PRKG1: variants seen among roughly 807,000 people sequenced by gnomAD.
PRKG1 encodes protein kinase cGMP-dependent 1.
Under a neutral mutation model 88.1 loss-of-function variants are expected in PRKG1, and 35 were observed. That is an observed-to-expected ratio of 0.40 (90% CI 0.30 to 0.53). PRKG1 has a LOEUF of 0.53. PRKG1 is among the 20% of genes least tolerant of loss of function. PRKG1 has a pLI of 0.59. For missense variants in PRKG1, 540 were observed against 839.8 expected (o/e 0.64, Z 4.41); for synonymous variants, 303 against 292.5 (o/e 1.04, Z -0.37).
At chr10:51,611,201 A>C (rs963090331) in intron 3 of PRKG1, among the ~76,000 whole-genome samples, 1 of 152,124 alleles carries the variant, frequency 6.6e-6, no homozygotes, top group African/African-American at 2.4e-5. Flanking sequence ...GAAATCTTCA[A>C]ACTGTTTTTC....
At chr10:51,149,202 G>T (rs1017982977) in intron 1 of PRKG1, among the ~76,000 whole-genome samples, 2 of 151,976 alleles carry the variant, frequency 1.3e-5, no homozygotes, top group African/African-American at 2.4e-5. Flanking sequence ...ATTTCAGAGA[G>T]GCCTTCCTGA....
chr10:51,127,347 CAT>C (rs1845454934), intron 1 of PRKG1, among the ~76,000 whole-genome samples: 2 of 152,204 alleles, frequency 1.3e-5, no homozygotes, highest in Middle Eastern at 3.4e-3. Flanking sequence ...TGCCAAGAAA[CAT>C]ATGAAAAAAG....
At chr10:51,511,210 T>A (rs1411028354) in intron 3 of PRKG1, among the ~76,000 whole-genome samples, 2 of 152,128 alleles carry the variant, frequency 1.3e-5, no homozygotes, top group African/African-American at 4.8e-5. Context: ...TTGGATAAAA[T>A]AAGGCTTGTT....
At chr10:51,536,756 C>T (rs1352595262) in intron 3 of PRKG1, among the ~76,000 whole-genome samples, 2 of 150,768 alleles carry the variant, frequency 1.3e-5, no homozygotes, top group Admixed American at 6.6e-5. Flanking sequence ...CCCATTAACT[C>T]GTCATTTAGC....
At chr10:51,371,925 G>C (rs1466925991) in intron 2 of PRKG1, among the ~76,000 whole-genome samples, 1 of 151,806 alleles carries the variant, frequency 6.6e-6, no homozygotes, top group Non-Finnish European at 1.5e-5. Context: ...ACTATGCCCA[G>C]CTCAGGGTGA....
intron 7 of PRKG1, among the ~76,000 whole-genome samples, chr10:52,082,348 G>T (rs1190790616): frequency 1.3e-5 from 2 of 152,088 alleles, no homozygotes; most frequent in Non-Finnish European, 2.9e-5. Context: ...CTTGGCATAA[G>T]TTGCCCACTC....
intron 8 of PRKG1, among the ~76,000 whole-genome samples, chr10:52,146,426 T>C (rs1408257721): frequency 1.3e-5 from 2 of 152,112 alleles, no homozygotes; most frequent in Non-Finnish European, 2.9e-5. Context: ...TATATACACA[T>C]AGATGCTAGA....
chr10:51,877,387 T>C (rs899924506), intron 4 of PRKG1, among the ~76,000 whole-genome samples: 1 of 152,162 alleles, frequency 6.6e-6, no homozygotes, highest in Non-Finnish European at 1.5e-5. Flanking sequence ...TTCTATACTT[T>C]CCCATCAAGT....
intron 3 of PRKG1, among the ~76,000 whole-genome samples, chr10:51,482,966 A>G (rs540948358): frequency 1.3e-5 from 2 of 151,164 alleles, no homozygotes; most frequent in South Asian, 4.2e-4. Context: ...TTACCTCATA[A>G]CTTTAGAGAT....
At chr10:51,575,312 C>T (rs1292691585) in intron 3 of PRKG1, among the ~76,000 whole-genome samples, 1 of 151,978 alleles carries the variant, frequency 6.6e-6, no homozygotes, top group African/African-American at 2.4e-5. Flanking sequence ...TGGTAATATA[C>T]TAGCGTAAGA....
At chr10:51,170,783 G>C (rs1846684075) in intron 2 of PRKG1, among the ~76,000 whole-genome samples, 1 of 150,370 alleles carries the variant, frequency 6.7e-6, no homozygotes, top group Non-Finnish European at 1.5e-5. Flanking sequence ...GGGGGAGTTG[G>C]GTAACAAAAC....
At chr10:51,238,600 A>T (rs1462055985) in intron 2 of PRKG1, among the ~76,000 whole-genome samples, 1 of 151,080 alleles carries the variant, frequency 6.6e-6, no homozygotes, top group Admixed American at 6.6e-5. Flanking sequence ...ATAAAAAAAT[A>T]AAAAAAGTCA....
intron 2 of PRKG1, among the ~76,000 whole-genome samples, chr10:51,464,175 G>C (rs930671753): frequency 6.6e-6 from 1 of 152,044 alleles, no homozygotes; most frequent in African/African-American, 2.4e-5. Context: ...AGCTACTTGG[G>C]AGGCTGGGAG....
intron 2 of PRKG1, among the ~76,000 whole-genome samples, chr10:51,345,447 T>C (rs751240684): frequency 2.3e-4 from 35 of 152,210 alleles, no homozygotes; most frequent in Non-Finnish European, 4.6e-4. Flanking sequence ...CTGTGCTTGA[T>C]TGACATAATC....
chr10:52,246,459 T>C (rs1003454904), intron 9 of PRKG1, among the ~76,000 whole-genome samples: 1 of 152,160 alleles, frequency 6.6e-6, no homozygotes, highest in African/African-American at 2.4e-5. Context: ...TTTTTATACT[T>C]GTAACTTTAC....
chr10:51,862,139 C>A (rs558270115), intron 4 of PRKG1, among the ~76,000 whole-genome samples: 23 of 152,270 alleles, frequency 1.5e-4, no homozygotes, highest in South Asian at 1.5e-3. Flanking sequence ...CACAGTGTGG[C>A]AAACAATGGG....
intron 3 of PRKG1, among the ~76,000 whole-genome samples, chr10:51,711,856 T>C (rs575568709): frequency 6.6e-6 from 1 of 152,316 alleles, no homozygotes; most frequent in Non-Finnish European, 1.5e-5. Flanking sequence ...TGGCAAAGAC[T>C]GCAATAAACC....
chr10:51,689,432 A>G (rs143167933), intron 3 of PRKG1, among the ~76,000 whole-genome samples: 2 of 152,344 alleles, frequency 1.3e-5, no homozygotes, highest in African/African-American at 4.8e-5. Flanking sequence ...GGGAACAAAC[A>G]TGATTTACAT....
intron 1 of PRKG1, among the ~76,000 whole-genome samples, chr10:51,041,646 C>G (rs540398403): frequency 2.2e-4 from 34 of 152,218 alleles, no homozygotes; most frequent in Non-Finnish European, 4.7e-4. Flanking sequence ...AATGGGACCC[C>G]AGGACTCTAC....
Sources: allele counts gnomAD v4.1 joint callset (sites outside exome capture counted in the v4.1 genomes callset), GRCh38; gene constraint gnomAD v4.1.1; transcripts MANE v1.5; gene names NCBI Gene and HGNC (gene_info 2026-07-23, HGNC 2026-07-21).